Variants in CMPK1 observed in about 807,000 individuals in gnomAD.
CMPK1 encodes the protein UMP-CMP kinase.
Under a neutral mutation model 25.7 loss-of-function variants are expected in CMPK1, and 10 were observed. The observed-to-expected ratio is 0.39, with a 90% confidence interval of 0.24 to 0.66. CMPK1 has a LOEUF of 0.66. Ranked by LOEUF, CMPK1 falls within the 30% of genes least tolerant of loss-of-function variation. The pLI is 0.48. For missense variants in CMPK1, 199 were observed against 280.5 expected (o/e 0.71, Z 2.08); for synonymous variants, 106 against 101.5 (o/e 1.04, Z -0.27).
At position 47,333,872 on chromosome 1, in the gene CMPK1, C is replaced by T. The variant is rs1333652673; in HGVS notation, c.-74C>T. 2 of 1,078,222 alleles carry T rather than the reference C, an allele frequency of 1.9e-6. No homozygotes were observed. Among genetic ancestry groups the T allele is most frequent in the East Asian group, 9.5e-5 (2 of 21,034 alleles). 66.8% of individuals were successfully genotyped at this position (1,078,222 alleles called of 1,614,324 possible). A position where few individuals can be genotyped will look rare whatever the true frequency, so the allele number is the denominator to read the frequency against. On this transcript the variant is annotated 5_prime_UTR_variant, in exon 1 of 6. Coordinates refer to ENST00000371873, the MANE Select transcript of CMPK1 (RefSeq NM_016308.3). ...GCCGGCTCAGCCCGCCCCTTTCTCCCGCCGCCTCCCCGCCCCGCCCCGCGC... is the reference window on the plus strand; with the variant it reads ...GCCGGCTCAGCCCGCCCCTTTCTCCTGCCGCCTCCCCGCCCCGCCCCGCGC...
chr1:47,366,625 CAT>C lies in CMPK1; in HGVS notation c.172-1843_172-1842del, dbSNP rs371638460. Among the ~76,000 whole-genome samples, 35 of 152,252 alleles carry C rather than the reference CAT, an allele frequency of 2.3e-4. 1 individual carries two copies. Among genetic ancestry groups the C allele is most frequent in the Middle Eastern group, 3.4e-3 (1 of 294 alleles). On this transcript the variant is annotated intron_variant, in intron 1 of 5. Transcript: ENST00000371873. ...GGAATGTGGGTGAGAACATGAGACA[CAT>C]GTGTATAGGTTTGACATCTTTATAT...
intron 1 of CMPK1, among the ~76,000 whole-genome samples, chr1:47,360,684 C>T (rs977743176): frequency 2.0e-5 from 3 of 152,168 alleles, no homozygotes; most frequent in Non-Finnish European, 2.9e-5. Context: ...GTTAATATAA[C>T]CCTTTTCCTT....
intron 1 of CMPK1, among the ~76,000 whole-genome samples, chr1:47,347,065 G>C (rs140298298): frequency 1.3e-5 from 2 of 152,148 alleles, no homozygotes; most frequent in Non-Finnish European, 2.9e-5. Context: ...TTATAGGCAT[G>C]AGCCATTGTG....
intron 1 of CMPK1, among the ~76,000 whole-genome samples, chr1:47,344,994 G>A (rs1252726938): frequency 2.0e-5 from 3 of 151,738 alleles, no homozygotes; most frequent in Admixed American, 1.3e-4. Flanking sequence ...TTGGCACATT[G>A]CAACCTTTGC....
chr1:47,342,416 A>T (rs1046951663), intron 1 of CMPK1, among the ~76,000 whole-genome samples: 2 of 151,928 alleles, frequency 1.3e-5, no homozygotes, highest in African/African-American at 4.8e-5. Context: ...TACTCACTCG[A>T]CTGCTTCAAA....
intron 1 of CMPK1, among the ~76,000 whole-genome samples, chr1:47,347,211 C>A (rs972116308): frequency 3.6e-5 from 5 of 138,854 alleles, no homozygotes; most frequent in Non-Finnish European, 1.6e-5. Flanking sequence ...TTTTTTCCTT[C>A]CTTCTATTCA....
chr1:47,351,052 G>A (rs949563214), intron 1 of CMPK1, among the ~76,000 whole-genome samples: 12 of 152,020 alleles, frequency 7.9e-5, no homozygotes, highest in African/African-American at 2.9e-4. Context: ...GTCATTTTGT[G>A]TCTGGCTTAT....
intron 1 of CMPK1, among the ~76,000 whole-genome samples, chr1:47,352,516 G>C (rs1408417616): frequency 8.3e-6 from 1 of 120,872 alleles, no homozygotes; most frequent in African/African-American, 2.5e-5. Flanking sequence ...TGGAAAGGAA[G>C]GTGGGGAGGG....
intron 2 of CMPK1, among the ~76,000 whole-genome samples, chr1:47,372,751 A>G (rs1646684930): frequency 6.6e-6 from 1 of 151,948 alleles, no homozygotes; most frequent in Non-Finnish European, 1.5e-5. Flanking sequence ...ACTTGAGGCA[A>G]CCATCTTAAT....
rs575779079 is a variant in CMPK1, at chr1:47,336,047, C to T, written c.171+1931C>T. Among the ~76,000 whole-genome samples, 18 of 152,280 alleles carry T rather than the reference C, an allele frequency of 1.2e-4. No individual in the cohort carries two copies. In the East Asian group the frequency reaches 3.5e-3, roughly 29 times the overall value. On this transcript the variant is annotated intron_variant, in intron 1 of 5. Transcript: ENST00000371873. ...AAGTGCTGGGATTATAGGCATGAGC[C>T]ACCGTGCCTGGCCTTGTCACTTGTC...
intron 1 of CMPK1, among the ~76,000 whole-genome samples, chr1:47,361,897 T>G (rs1217534310): frequency 7.1e-6 from 1 of 141,014 alleles, no homozygotes; most frequent in African/African-American, 2.8e-5. Flanking sequence ...TTTGACGGAG[T>G]TTTGCTCTTA....
intron 1 of CMPK1, among the ~76,000 whole-genome samples, chr1:47,362,749 G>T (rs1646612746): frequency 3.9e-5 from 6 of 152,188 alleles, no homozygotes. Flanking sequence ...ATGTGGATTT[G>T]CGATGAAATA....
At position 47,359,846 on chromosome 1, in the gene CMPK1, G is replaced by T. The variant is rs893181794; in HGVS notation, c.172-8623G>T. On this transcript the variant is annotated intron_variant, in intron 1 of 5. Transcript: ENST00000371873. ...TATCTTATAAGGAGAAGTAGGAGAG[G>T]CTAGGCCTTCATCTGAGTGATTTGA... Among the ~76,000 whole-genome samples, 20 of 152,228 alleles carry T rather than the reference G, an allele frequency of 1.3e-4. 1 individual carries two copies. Among genetic ancestry groups the T allele is most frequent in the African/African-American group, 4.3e-4 (18 of 41,552 alleles).
At chr1:47,342,902 C>T (rs1313783659) in intron 1 of CMPK1, among the ~76,000 whole-genome samples, 1 of 151,928 alleles carries the variant, frequency 6.6e-6, no homozygotes, top group African/African-American at 2.4e-5. Context: ...CCCGCCTCAG[C>T]CTCCCAAAGT....
chr1:47,367,282 T>C (rs1046858626), intron 1 of CMPK1, among the ~76,000 whole-genome samples: 14 of 152,214 alleles, frequency 9.2e-5, no homozygotes, highest in Non-Finnish European at 1.9e-4. Flanking sequence ...AAATAAACTA[T>C]TTAGAGTTTT....
chr1:47,343,472 C>T (rs1374950244), intron 1 of CMPK1, among the ~76,000 whole-genome samples: 3 of 150,540 alleles, frequency 2.0e-5, no homozygotes, highest in African/African-American at 7.3e-5. Context: ...CACACCATTG[C>T]ACTCCAGCCT....
intron 1 of CMPK1, among the ~76,000 whole-genome samples, chr1:47,335,562 G>A (rs929245619): frequency 6.7e-6 from 1 of 149,832 alleles, no homozygotes; most frequent in African/African-American, 2.5e-5. Flanking sequence ...GCTTGAAACC[G>A]GAAGGCGGAG....
chr1:47,371,147 G>T (rs984172542), intron 2 of CMPK1, among the ~76,000 whole-genome samples: 5 of 152,108 alleles, frequency 3.3e-5, no homozygotes, highest in African/African-American at 1.2e-4. Flanking sequence ...TGATGGAAAA[G>T]AGCTATGTAA....
intron 1 of CMPK1, among the ~76,000 whole-genome samples, chr1:47,354,656 A>G (rs938864777): frequency 7.4e-5 from 11 of 148,122 alleles, no homozygotes; most frequent in Non-Finnish European, 1.2e-4. Context: ...CCATATCGGA[A>G]CATACAGATA....
Sources: gnomAD v4.1 joint callset for allele counts (sites outside exome capture counted in the v4.1 genomes callset) on GRCh38, gnomAD v4.1.1 for gene constraint, MANE v1.5 for transcripts, NCBI Gene and HGNC (gene_info 2026-07-23, HGNC 2026-07-21) for gene names.